The following SHISA6 variants were observed in gnomAD, a reference collection of about 807,000 sequenced individuals.
SHISA6 encodes the protein protein shisa-6.
In SHISA6, 22 loss-of-function variants were observed where a neutral mutation model predicts 47.9. The observed-to-expected ratio is 0.46, with a 90% CI of 0.33 to 0.66. SHISA6 has a LOEUF of 0.66. SHISA6 is among the 30% of genes least tolerant of loss of function. The pLI is 0.02. For missense variants in SHISA6, 680 were observed against 764.6 expected, an observed-to-expected ratio of 0.89 and a Z score of 1.30; for synonymous variants, 388 against 337.8, an observed-to-expected ratio of 1.15 and a Z score of -1.63.
chr17:11,243,470 C>G (rs112219764), intron 1 of SHISA6, among the ~76,000 whole-genome samples: 6 of 152,160 alleles, frequency 3.9e-5, no homozygotes, highest in African/African-American at 1.4e-4. Context: ...GGTGCCTCCA[C>G]CCTGTCTTCC....
chr17:11,264,637 T>C (rs956072568), intron 2 of SHISA6, among the ~76,000 whole-genome samples: 1 of 152,162 alleles, frequency 6.6e-6, no homozygotes. Flanking sequence ...CTCAACAGTT[T>C]TCAGAGGATG....
intron 2 of SHISA6, among the ~76,000 whole-genome samples, chr17:11,362,657 T>A (rs1373144426): frequency 2.6e-5 from 4 of 152,248 alleles, no homozygotes; most frequent in African/African-American, 7.2e-5. Context: ...GAGGAAGATT[T>A]AATTTTCTCA....
chr17:11,512,817 A>C (rs2142356097), intron 3 of SHISA6, among the ~76,000 whole-genome samples: 1 of 152,218 alleles, frequency 6.6e-6, no homozygotes, highest in South Asian at 2.1e-4. Context: ...AAATTTGTTA[A>C]TGATCTACAT....
intron 3 of SHISA6, among the ~76,000 whole-genome samples, chr17:11,486,254 C>A (rs1916345932): frequency 6.6e-6 from 1 of 152,192 alleles, no homozygotes; most frequent in African/African-American, 2.4e-5. Context: ...GGTTACTCCC[C>A]TTCCCAGCCT....
intron 3 of SHISA6, among the ~76,000 whole-genome samples, chr17:11,404,368 G>A (rs974547779): frequency 6.6e-6 from 1 of 152,178 alleles, no homozygotes; most frequent in Admixed American, 6.5e-5. Context: ...TGGAGTGAGG[G>A]GGGAGACAGT....
intron 3 of SHISA6, among the ~76,000 whole-genome samples, chr17:11,390,237 C>T (rs1210856704): frequency 6.6e-6 from 1 of 152,176 alleles, no homozygotes; most frequent in Non-Finnish European, 1.5e-5. Context: ...ACATGCTGGA[C>T]TTCTGGCTCT....
chr17:11,418,978 T>C (rs977243733), intron 3 of SHISA6, among the ~76,000 whole-genome samples: 7 of 151,806 alleles, frequency 4.6e-5, no homozygotes, highest in African/African-American at 1.7e-4. Context: ...TTCTTTCCAC[T>C]GGAAGATGAG....
rs1308023769 is a variant in SHISA6 at position 11,555,870 on chromosome 17, G to C, written c.1083G>C (p.Lys361Asn). Residue 361 changes from lysine to asparagine, a missense_variant, in exon 5 of 6, where the codon AAG becomes AAC. Around this residue, in one of 2 missense-constraint regions of SHISA6, gnomAD observed 559 missense variants for 674.1 expected, o/e 0.83. Transcript: ENST00000441885. ...CTGCAGTAAAGACCAACCCCAGCAA[G>C]TATTCATCTCTGAAGAGGCTAAGTA... ...YESAVKTNPS[K>N]YSSLKRLTDK... The C allele has an allele frequency of 1.3e-6, 2 of 1,546,698 alleles. No homozygotes were observed. Among genetic ancestry groups the C allele is most frequent in the Non-Finnish European group, 1.7e-6 (2 of 1,145,138 alleles).
At chr17:11,517,171 G>C (rs2071592698) in intron 3 of SHISA6, among the ~76,000 whole-genome samples, 1 of 152,180 alleles carries the variant, frequency 6.6e-6, no homozygotes, top group South Asian at 2.1e-4. Context: ...ACACCAGGGA[G>C]ACAGGTCTAT....
At chr17:11,362,651 A>G (rs1296887297) in intron 2 of SHISA6, among the ~76,000 whole-genome samples, 1 of 152,230 alleles carries the variant, frequency 6.6e-6, no homozygotes, top group African/African-American at 2.4e-5. Context: ...TAAAACGAGG[A>G]AGATTTAATT....
intron 1 of SHISA6, 147 bp downstream of exon 1, chr17:11,242,207 T>G: frequency 8.8e-7 from 1 of 1,132,760 alleles, no homozygotes; most frequent in South Asian, 1.4e-5. Context: ...ATGCAATAAA[T>G]CAGGGTCTTC....
At chr17:11,417,000 C>T (rs2142278006) in intron 3 of SHISA6, among the ~76,000 whole-genome samples, 1 of 152,208 alleles carries the variant, frequency 6.6e-6, no homozygotes, top group Middle Eastern at 3.4e-3. Context: ...AAAGCTCATA[C>T]TCTATTATTT....
intron 3 of SHISA6, among the ~76,000 whole-genome samples, chr17:11,432,634 T>G (rs949987213): frequency 6.6e-6 from 1 of 152,232 alleles, no homozygotes; most frequent in Non-Finnish European, 1.5e-5. Context: ...GAAACCACTT[T>G]ATCTGTGTCA....
At chr17:11,264,391 C>A (rs1908350164) in intron 2 of SHISA6, among the ~76,000 whole-genome samples, 1 of 152,194 alleles carries the variant, frequency 6.6e-6, no homozygotes, top group Non-Finnish European at 1.5e-5. Flanking sequence ...GAGAGAAAAA[C>A]AAGATTCAAG....
At position 11,562,219 on chromosome 17, in the gene SHISA6, A is replaced by G. The variant is rs9909460; in HGVS notation, c.*3915A>G. On this transcript the variant is annotated 3_prime_UTR_variant, in exon 6 of 6. Coordinates refer to ENST00000441885, the MANE Select transcript of SHISA6 (RefSeq NM_207386.4). ...GCCAACATCCCTGCCATCAAACTCAATCCATTTTCTTCAGAGATACCTTGT... is the reference window on the plus strand; with the variant it reads ...GCCAACATCCCTGCCATCAAACTCAGTCCATTTTCTTCAGAGATACCTTGT... 26,860 of 151,788 alleles carry G rather than the reference A, an allele frequency of 0.18. 3,436 individuals carry two copies. The highest frequency in any genetic ancestry group is 0.36 in the African/African-American group (15,070 of 41,316). The allele number at this position is 151,788 out of a possible 1,614,324, so 9.4% of individuals were successfully genotyped here.
chr17:11,491,296 A>AT (rs1418370996), intron 3 of SHISA6, among the ~76,000 whole-genome samples: 2 of 151,468 alleles, frequency 1.3e-5, no homozygotes, highest in East Asian at 1.9e-4. Flanking sequence ...GAGGGAAAGA[A>AT]TTTTTTTTTA....
At chr17:11,318,619 T>C (rs570397989) in intron 2 of SHISA6, among the ~76,000 whole-genome samples, 2 of 152,250 alleles carry the variant, frequency 1.3e-5, no homozygotes, top group Admixed American at 6.5e-5. Flanking sequence ...ATTTTATGTA[T>C]GTACGTATGT....
intron 2 of SHISA6, among the ~76,000 whole-genome samples, chr17:11,356,235 C>T (rs1003739469): frequency 1.1e-4 from 16 of 152,314 alleles, no homozygotes; most frequent in Middle Eastern, 3.4e-3. Flanking sequence ...GCTTAGAGAA[C>T]CAAGCACCAG....
chr17:11,350,941 A>C (rs1468314975), intron 2 of SHISA6, among the ~76,000 whole-genome samples: 1 of 152,190 alleles, frequency 6.6e-6, no homozygotes, highest in Non-Finnish European at 1.5e-5. Context: ...GCACATATAC[A>C]CCATGGAATA....
Sources: gnomAD v4.1 joint callset for allele counts (sites outside exome capture counted in the v4.1 genomes callset) on GRCh38, gnomAD v4.1.1 for gene constraint, gnomAD v4.1.1 regional missense constraint, MANE v1.5 for transcripts, NCBI Gene and HGNC (gene_info 2026-07-23, HGNC 2026-07-21) for gene names.